RALGAPA2: variants seen among roughly 807,000 people sequenced by gnomAD.
RALGAPA2 encodes Ral GTPase activating protein catalytic subunit alpha 2.
RALGAPA2 carries 139 observed loss-of-function variants against 230.4 expected under a neutral mutation model. The observed-to-expected ratio is 0.60, with a 90% CI of 0.53 to 0.69. The LOEUF is 0.69. Among genes scored for constraint, RALGAPA2 ranks in the 30% least tolerant of loss-of-function variants. The pLI is 0.00. For missense variants in RALGAPA2, 2,163 were observed against 2,276.0 expected (o/e 0.95, Z 1.01); for synonymous variants, 847 against 837.8 (o/e 1.01, Z -0.19).
At chr20:20,564,976 A>G (rs1049431900) in intron 23 of RALGAPA2, among the ~76,000 whole-genome samples, 47 of 152,340 alleles carry the variant, frequency 3.1e-4, no homozygotes, top group African/African-American at 1.1e-3. Context: ...TAGCCTTCTA[A>G]AGGTCTAAAG....
At chr20:20,623,347 G>A (rs2066380874) in intron 10 of RALGAPA2, among the ~76,000 whole-genome samples, 1 of 152,062 alleles carries the variant, frequency 6.6e-6, no homozygotes, top group Non-Finnish European at 1.5e-5. Context: ...AGACAAGATA[G>A]ACTTTGCGCC....
intron 20 of RALGAPA2, among the ~76,000 whole-genome samples, chr20:20,581,667 T>G (rs1185419402): frequency 6.6e-6 from 1 of 152,210 alleles, no homozygotes; most frequent in Non-Finnish European, 1.5e-5. Flanking sequence ...CAATGTATAG[T>G]ATTATTAGTC....
At chr20:20,559,900 T>G (rs2064205593) in intron 23 of RALGAPA2, among the ~76,000 whole-genome samples, 1 of 152,238 alleles carries the variant, frequency 6.6e-6, no homozygotes, top group South Asian at 2.1e-4. Flanking sequence ...ACTGAAAGCA[T>G]TTTGTAAATT....
chr20:20,481,169 G>A (rs949343241), intron 36 of RALGAPA2, among the ~76,000 whole-genome samples: 121 of 152,352 alleles, frequency 7.9e-4, no homozygotes, highest in African/African-American at 2.7e-3. Context: ...TGAAGTCCAC[G>A]TGGCAACACT....
rs539592446 is a variant in RALGAPA2 at position 20,470,926 on chromosome 20, CA to C, written c.5495+1902del. 243 of 152,262 alleles carry C rather than the reference CA, an allele frequency of 1.6e-3. 2 individuals are homozygous for C. Among genetic ancestry groups the C allele is most frequent in the African/African-American group, 5.8e-3 (240 of 41,548 alleles). 9.4% of individuals were successfully genotyped at this position (152,262 alleles called of 1,614,324 possible). On this transcript the variant is annotated intron_variant, in intron 37 of 39. Coordinates refer to ENST00000202677, the MANE Select transcript of RALGAPA2 (RefSeq NM_020343.4). The stretch of plus-strand genomic sequence containing the variant: ...CATCTCTATAAAAAATTAGGTATAA[CA>C]GTTGATTTCTTGTTTTAAACAATTT...
At chr20:20,692,527 C>A (rs896038726) in intron 1 of RALGAPA2, among the ~76,000 whole-genome samples, 13 of 152,148 alleles carry the variant, frequency 8.5e-5, no homozygotes, top group Non-Finnish European at 1.2e-4. Context: ...CGGAACCTGG[C>A]CTGTTCGCAG....
At position 20,412,167 on chromosome 20, in the gene RALGAPA2, G is replaced by C; in HGVS notation, c.5496-19C>G. The C allele has an allele frequency of 6.2e-7, 1 of 1,613,278 alleles. No homozygotes were observed. The highest frequency in any genetic ancestry group is 8.5e-7 in the Non-Finnish European group (1 of 1,179,352). ...TTCATAGCTGCGGTAATCGGTTAAG[G>C]AAACAAGTGCACGTGCAAAGTGGCA... On this transcript the variant is annotated intron_variant, in intron 37 of 39. Coordinates refer to ENST00000202677, the MANE Select transcript of RALGAPA2 (RefSeq NM_020343.4).
chr20:20,528,709 A>G (rs1602663463), intron 27 of RALGAPA2, among the ~76,000 whole-genome samples: 1 of 152,180 alleles, frequency 6.6e-6, no homozygotes, highest in African/African-American at 2.4e-5. Flanking sequence ...TGCTGAGTGG[A>G]ATGCTCTGCA....
At chr20:20,510,392 TA>T (rs2062667241) in intron 33 of RALGAPA2, among the ~76,000 whole-genome samples, 1 of 152,176 alleles carries the variant, frequency 6.6e-6, no homozygotes, top group African/African-American at 2.4e-5. Context: ...ATTTTTGAGT[TA>T]ATGAGTAGTA....
chr20:20,472,755 C>G, intron 37 of RALGAPA2, 74 bp downstream of exon 37: 1 of 1,515,686 alleles, frequency 6.6e-7, no homozygotes, highest in Non-Finnish European at 8.9e-7. Flanking sequence ...TGAATACTTA[C>G]CTCTTATGAA....
At chr20:20,460,590 C>T (rs1165588661) in intron 37 of RALGAPA2, among the ~76,000 whole-genome samples, 4 of 152,168 alleles carry the variant, frequency 2.6e-5, no homozygotes, top group Admixed American at 6.5e-5. Context: ...GTCAGTTACA[C>T]GGCCCAACAT....
chr20:20,463,124 C>T (rs545471708), intron 37 of RALGAPA2, among the ~76,000 whole-genome samples: 1 of 151,610 alleles, frequency 6.6e-6, no homozygotes, highest in African/African-American at 2.4e-5. Context: ...GGCTTAAAAC[C>T]CTGACTTTTT....
intron 37 of RALGAPA2, among the ~76,000 whole-genome samples, chr20:20,465,578 T>A (rs1208803675): frequency 6.6e-6 from 1 of 152,172 alleles, no homozygotes; most frequent in Non-Finnish European, 1.5e-5. Flanking sequence ...AGGGGGAGCA[T>A]CAGCCTGGTT....
At chr20:20,464,274 C>T (rs1399981944) in intron 37 of RALGAPA2, among the ~76,000 whole-genome samples, 1 of 152,208 alleles carries the variant, frequency 6.6e-6, no homozygotes, top group Non-Finnish European at 1.5e-5. Flanking sequence ...TCAGTATTTG[C>T]ATGCTCAGCC....
At chr20:20,521,965 A>C (rs1014446621) in intron 30 of RALGAPA2, among the ~76,000 whole-genome samples, 1 of 152,250 alleles carries the variant, frequency 6.6e-6, no homozygotes, top group African/African-American at 2.4e-5. Context: ...TTGTCAGGGC[A>C]ACCACTTGAC....
chr20:20,606,243 C>G (rs2065816915), intron 14 of RALGAPA2, among the ~76,000 whole-genome samples: 1 of 152,182 alleles, frequency 6.6e-6, no homozygotes, highest in Admixed American at 6.5e-5. Flanking sequence ...ACAGACTGCT[C>G]TGGTTCTCCC....
intron 24 of RALGAPA2, among the ~76,000 whole-genome samples, chr20:20,540,027 G>C (rs995786712): frequency 1.3e-5 from 2 of 152,156 alleles, no homozygotes; most frequent in African/African-American, 4.8e-5. Flanking sequence ...CATTTAAGTT[G>C]CTTTCATATC....
At chr20:20,632,484 T>C (rs1476077282) in intron 9 of RALGAPA2, among the ~76,000 whole-genome samples, 1 of 152,250 alleles carries the variant, frequency 6.6e-6, no homozygotes. Context: ...ATCATCCAGA[T>C]GTACTTTTCA....
intron 37 of RALGAPA2, among the ~76,000 whole-genome samples, chr20:20,423,691 G>T (rs534172712): frequency 1.3e-5 from 2 of 152,284 alleles, no homozygotes; most frequent in Non-Finnish European, 2.9e-5. Context: ...TCAATATAAT[G>T]TAAATTTAAA....
Sources: allele counts gnomAD v4.1 joint callset (sites outside exome capture counted in the v4.1 genomes callset), GRCh38; gene constraint gnomAD v4.1.1; transcripts MANE v1.5; gene names NCBI Gene and HGNC (gene_info 2026-07-23, HGNC 2026-07-21).